The following SPG11 variants were observed in gnomAD, a reference collection of about 807,000 sequenced individuals.
SPG11 encodes the protein SPG11 vesicle trafficking associated, spatacsin, also known as spatacsin.
SPG11 carries 222 observed loss-of-function variants against 274.0 expected under a neutral mutation model. That is an observed-to-expected ratio of 0.81 (90% CI 0.73 to 0.91). The LOEUF is 0.91. Ranked by LOEUF, SPG11 falls within the 40% of genes least tolerant of loss-of-function variation. The pLI, the probability that SPG11 is intolerant of heterozygous loss-of-function variation, is 0.00. For synonymous variants in SPG11, 1,144 were observed against 1,039.7 expected (o/e 1.10, Z -1.93); for missense variants, 3,114 against 2,872.7 (o/e 1.08, Z -1.92).
intron 10 of SPG11, among the ~76,000 whole-genome samples, chr15:44,627,852 G>GTGCTGGGAT (rs2083948303): frequency 6.6e-6 from 1 of 152,098 alleles, no homozygotes; most frequent in South Asian, 2.1e-4. Context: ...GCCTCCCAAA[G>GTGCTGGGAT]TGCTGGGATT....
chr15:44,641,750 C>G (rs891409488), intron 7 of SPG11, among the ~76,000 whole-genome samples: 17 of 151,854 alleles, frequency 1.1e-4, no homozygotes, highest in South Asian at 4.2e-4. Flanking sequence ...AAACCATACA[C>G]TGCTGGTGAG....
intron 29 of SPG11, 29 bp downstream of exon 29, chr15:44,585,602 TAAAAA>T (rs34800368): frequency 5.4e-4 from 641 of 1,192,866 alleles, no homozygotes; most frequent in Middle Eastern, 9.2e-4. Context: ...ACCCCGTATC[TAAAAA>T]AAAAAAAAAA....
intron 29 of SPG11, among the ~76,000 whole-genome samples, chr15:44,585,372 A>C (rs551006286): frequency 6.7e-6 from 1 of 150,192 alleles, no homozygotes; most frequent in East Asian, 2.0e-4. Context: ...GGCGGATCAC[A>C]AGGTCAGATC....
intron 28 of SPG11, among the ~76,000 whole-genome samples, chr15:44,588,305 AC>A (rs1252780566): frequency 1.3e-5 from 2 of 151,280 alleles, no homozygotes; most frequent in African/African-American, 2.4e-5. Context: ...AAAAAAAAAA[AC>A]AAACAAAAAA....
intron 7 of SPG11, among the ~76,000 whole-genome samples, chr15:44,648,293 T>C (rs144802564): frequency 0.012 from 1,825 of 152,138 alleles, 36 homozygotes; most frequent in East Asian, 0.037. Flanking sequence ...GGTGAATCAC[T>C]TGAAATTAGG....
At chr15:44,600,348 G>A in intron 21 of SPG11, 119 bp downstream of exon 21, 1 of 1,080,282 alleles carries the variant, frequency 9.3e-7, no homozygotes, top group Admixed American at 1.7e-5. Context: ...GCAGTGGCAT[G>A]ACCATAGCTC....
At chr15:44,608,709 T>TATGTG in intron 18 of SPG11, 104 bp from the exon 19 acceptor site, 1 of 1,099,782 alleles carries the variant, frequency 9.1e-7, no homozygotes, top group Non-Finnish European at 1.3e-6. Context: ...TTGAGAAGAG[T>TATGTG]ATGTGGTAGT....
chr15:44,569,152 G>T (rs775007812), intron 35 of SPG11, among the ~76,000 whole-genome samples: 45 of 135,326 alleles, frequency 3.3e-4, no homozygotes, highest in Middle Eastern at 9.3e-3. Context: ...AGAAACGAGC[G>T]AAACTCCGTC....
chr15:44,662,151 A>G (rs2085128757), intron 1 of SPG11, among the ~76,000 whole-genome samples: 2 of 152,210 alleles, frequency 1.3e-5, no homozygotes, highest in South Asian at 2.1e-4. Context: ...TAAATAACTT[A>G]GTTTATAATA....
chr15:44,618,474 G>A (rs1567166585), intron 15 of SPG11, among the ~76,000 whole-genome samples: 2 of 129,574 alleles, frequency 1.5e-5, no homozygotes, highest in South Asian at 2.7e-4. Flanking sequence ...CAGAGATAGC[G>A]CCACTGCACT....
At position 44,626,425 on chromosome 15, in the gene SPG11, T is replaced by G. The variant is rs1417616884; in HGVS notation, c.2150A>C (p.Lys717Thr). ...FFRIDSHSAQ[K>T]LEELIGIGLN... is the part of the protein sequence containing the mutation. ...GCCTATGCCAATAAGCTCCTCAAGTTTTTGAGCAGAATGACTATCAATCCT... is the reference window on the plus strand; with the variant it reads ...GCCTATGCCAATAAGCTCCTCAAGTGTTTGAGCAGAATGACTATCAATCCT... The change falls in exon 11 of 40, where the codon AAA (lysine) becomes ACA (threonine). Residue 717 changes from lysine (K) to threonine (T), a missense_variant. Physicochemically the swap from Lys to Thr is moderately conservative, Grantham distance 78. Transcript: ENST00000261866. 6.2e-7 allele frequency: 1 copy of G among 1,613,912 alleles called. No individual in the cohort carries two copies. The highest frequency in any genetic ancestry group is 8.5e-7 in the Non-Finnish European group (1 of 1,179,964).
At chr15:44,610,768 T>A in intron 18 of SPG11, 72 bp downstream of exon 18, 2 of 1,338,674 alleles carry the variant, frequency 1.5e-6, no homozygotes, top group East Asian at 2.3e-5. Flanking sequence ...TCAGCTGAGA[T>A]CTAGACAATC....
Position 44,620,406 on chromosome 15 carries a change from A to G in SPG11, c.2621-3T>C, listed in dbSNP as rs2083709972. On this transcript the variant is annotated splice_region_variant and splice_polypyrimidine_tract_variant and intron_variant, in intron 14 of 39. Coordinates refer to ENST00000261866, the MANE Select transcript of SPG11 (RefSeq NM_025137.4). Reference sequence around the variant, plus strand: ...TTCAGGGGAATATGATTTGTATTCTACATGAAAAAAAACACATTTTAAAAT... The same window carrying G: ...TTCAGGGGAATATGATTTGTATTCTGCATGAAAAAAAACACATTTTAAAAT... 1 of 1,603,464 alleles carries G rather than the reference A, an allele frequency of 6.2e-7. No individual in the cohort carries two copies. The highest frequency in any genetic ancestry group is 8.5e-7 in the Non-Finnish European group (1 of 1,171,794).
chr15:44,622,699 G>GTA (rs1341653585), intron 12 of SPG11, 29 bp downstream of exon 12: 1 of 1,537,734 alleles, frequency 6.5e-7, no homozygotes, highest in Admixed American at 1.7e-5. Flanking sequence ...TCTAGAAAAT[G>GTA]TATACTATGT....
intron 15 of SPG11, among the ~76,000 whole-genome samples, chr15:44,619,351 C>T (rs1299601174): frequency 6.6e-6 from 1 of 152,126 alleles, no homozygotes; most frequent in Non-Finnish European, 1.5e-5. Flanking sequence ...TAAATGGAGC[C>T]GAATGAAATG....
At chr15:44,594,966 G>A (rs574787120) in intron 26 of SPG11, among the ~76,000 whole-genome samples, 13 of 152,148 alleles carry the variant, frequency 8.5e-5, no homozygotes, top group African/African-American at 3.1e-4. Flanking sequence ...ACAGGCCCAC[G>A]CCACCATGCC....
At position 44,584,135 on chromosome 15, in the gene SPG11, G is replaced by C; in HGVS notation, c.5545C>G (p.Leu1849Val). 6.2e-7 allele frequency: 1 copy of C among 1,614,208 alleles called. No homozygotes were observed. Among genetic ancestry groups the C allele is most frequent in the Non-Finnish European group, 8.5e-7 (1 of 1,180,040 alleles). ...SEFSFSKLAA[L>V]NTSKYLELNS... ...AGTTCTAAGTATTTTGATGTGTTCAGAGCAGCCAACTTGGAGAAGGAAAAC... is the reference window on the plus strand; with the variant it reads ...AGTTCTAAGTATTTTGATGTGTTCACAGCAGCCAACTTGGAGAAGGAAAAC... The change falls in exon 30 of 40, where the codon CTG becomes GTG. Residue 1849 changes from leucine to valine, a missense_variant. Physicochemically the swap from Leu to Val is conservative, Grantham distance 32 (BLOSUM62 1). Coordinates refer to ENST00000261866, the MANE Select transcript of SPG11 (RefSeq NM_025137.4).
intron 33 of SPG11, chr15:44,572,405 G>T (rs1304521301): frequency 2.4e-6 from 1 of 423,448 alleles, no homozygotes; most frequent in East Asian, 5.2e-5. Context: ...CCCTTCTAGG[G>T]GACAATAACG....
intron 20 of SPG11, among the ~76,000 whole-genome samples, chr15:44,603,475 GT>G (rs1420271278): frequency 1.3e-5 from 2 of 152,090 alleles, no homozygotes; most frequent in Non-Finnish European, 2.9e-5. Flanking sequence ...ACTTTCTGAT[GT>G]TGTATTCATA....
Sources: gnomAD v4.1 joint callset for allele counts (sites outside exome capture counted in the v4.1 genomes callset) on GRCh38, gnomAD v4.1.1 for gene constraint, MANE v1.5 for transcripts, NCBI Gene and HGNC (gene_info 2026-07-23, HGNC 2026-07-21) for gene names.